Variants in ROR1 observed in about 807,000 individuals in gnomAD.
ROR1 encodes the protein ROR family WNT receptor 1.
ROR1 carries 19 observed loss-of-function variants against 78.8 expected under a neutral mutation model. That is an observed-to-expected ratio of 0.24 (90% confidence interval 0.17 to 0.35). The LOEUF is 0.35. ROR1 is among the 10% of genes least tolerant of loss of function. The pLI is 1.00. For synonymous variants in ROR1, 386 were observed against 433.6 expected (o/e 0.89, Z 1.36); for missense variants, 917 against 1,177.8 (o/e 0.78, Z 3.24).
At chr1:64,015,044 T>C (rs1432625443) in intron 2 of ROR1, among the ~76,000 whole-genome samples, 2 of 151,598 alleles carry the variant, frequency 1.3e-5, no homozygotes, top group Non-Finnish European at 2.9e-5. Flanking sequence ...CTCACAATCA[T>C]AGGAGAAGGC....
At chr1:63,951,605 C>G (rs569626031) in intron 1 of ROR1, among the ~76,000 whole-genome samples, 1 of 152,206 alleles carries the variant, frequency 6.6e-6, no homozygotes, top group East Asian at 1.9e-4. Flanking sequence ...GGAGGATTTC[C>G]CAGGGAGCCA....
At chr1:63,920,176 T>A (rs1382732772) in intron 1 of ROR1, among the ~76,000 whole-genome samples, 2 of 152,178 alleles carry the variant, frequency 1.3e-5, no homozygotes, top group African/African-American at 4.8e-5. Context: ...AAATATCAGA[T>A]GCAATCCCTG....
At chr1:63,778,337 A>C (rs1265880878) in intron 1 of ROR1, among the ~76,000 whole-genome samples, 1 of 152,224 alleles carries the variant, frequency 6.6e-6, no homozygotes, top group Non-Finnish European at 1.5e-5. Flanking sequence ...CTTATTTTCC[A>C]AGAAAAGTGT....
intron 1 of ROR1, among the ~76,000 whole-genome samples, chr1:63,958,334 C>G (rs1190237215): frequency 5.3e-5 from 8 of 152,092 alleles, no homozygotes. Flanking sequence ...CTCCATGCCT[C>G]CTGTATGCCT....
intron 4 of ROR1, among the ~76,000 whole-genome samples, chr1:64,084,193 A>G (rs1398863670): frequency 6.6e-6 from 1 of 152,224 alleles, no homozygotes; most frequent in Non-Finnish European, 1.5e-5. Context: ...TATCATAACA[A>G]TGGGTGATAA....
rs1272967833 is a variant in ROR1, at chr1:64,179,419, A to T, written c.*564A>T. The T allele has an allele frequency of 3.9e-5, 6 of 152,950 alleles. No individual in the cohort carries two copies. Among genetic ancestry groups the T allele is most frequent in the African/African-American group, 1.4e-4 (6 of 41,442 alleles). 9.5% of individuals were successfully genotyped at this position (152,950 alleles called of 1,614,324 possible). On this transcript the variant is annotated 3_prime_UTR_variant, in exon 9 of 9. Coordinates refer to ENST00000371079, the MANE Select transcript of ROR1 (RefSeq NM_005012.4). ...CCTGGAGGGAAATGAGCCATAAGGG[A>T]AGTATAACAAGCCCTGAAGCCTTTT...
intron 1 of ROR1, among the ~76,000 whole-genome samples, chr1:63,898,366 A>G (rs1478771955): frequency 7.6e-6 from 1 of 131,894 alleles, no homozygotes; most frequent in Non-Finnish European, 1.6e-5. Flanking sequence ...AGATGCTTAC[A>G]TTTTTTTTTT....
At chr1:63,853,295 A>C (rs1645125803) in intron 1 of ROR1, among the ~76,000 whole-genome samples, 1 of 152,140 alleles carries the variant, frequency 6.6e-6, no homozygotes, top group East Asian at 1.9e-4. Flanking sequence ...CATATACCCT[A>C]GTAAGTACTA....
intron 1 of ROR1, among the ~76,000 whole-genome samples, chr1:63,923,840 C>A (rs1006297255): frequency 1.3e-5 from 2 of 151,924 alleles, no homozygotes; most frequent in African/African-American, 4.8e-5. Context: ...CCACTGGATG[C>A]CCCTCGATAC....
intron 1 of ROR1, among the ~76,000 whole-genome samples, chr1:63,860,794 G>T (rs1261024332): frequency 2.0e-5 from 3 of 147,530 alleles, no homozygotes; most frequent in Admixed American, 6.7e-5. Context: ...AAAAAAAGAA[G>T]AAGAAGAATG....
chr1:64,081,869 T>C (rs903880567), intron 4 of ROR1, among the ~76,000 whole-genome samples: 4 of 151,752 alleles, frequency 2.6e-5, no homozygotes, highest in African/African-American at 9.7e-5. Flanking sequence ...AAAATATGTA[T>C]AGAAAAAAGT....
At chr1:63,898,660 G>A (rs1001215684) in intron 1 of ROR1, among the ~76,000 whole-genome samples, 2 of 151,870 alleles carry the variant, frequency 1.3e-5, no homozygotes, top group African/African-American at 4.8e-5. Context: ...TGAAAGAGAA[G>A]TTGAACAAGA....
chr1:63,937,184 T>C (rs72912822), intron 1 of ROR1, among the ~76,000 whole-genome samples: 4,450 of 152,312 alleles, frequency 0.029, 230 homozygotes, highest in African/African-American at 0.1. Context: ...TTCATCTTTC[T>C]ATCTCTTAGT....
chr1:63,848,341 T>C (rs1405576024), intron 1 of ROR1, among the ~76,000 whole-genome samples: 1 of 152,214 alleles, frequency 6.6e-6, no homozygotes, highest in Non-Finnish European at 1.5e-5. Flanking sequence ...GCAGACCAAG[T>C]GACTGCAATA....
At chr1:63,916,282 G>A (rs907167656) in intron 1 of ROR1, among the ~76,000 whole-genome samples, 25 of 152,212 alleles carry the variant, frequency 1.6e-4, no homozygotes, top group Middle Eastern at 6.8e-3. Flanking sequence ...AGCATTCATC[G>A]GGCCAGGCGC....
chr1:64,081,942 C>T (rs997987697), intron 4 of ROR1, among the ~76,000 whole-genome samples: 5 of 152,168 alleles, frequency 3.3e-5, no homozygotes, highest in African/African-American at 4.8e-5. Context: ...ATGTTTATAA[C>T]GTTTTTAATA....
intron 1 of ROR1, among the ~76,000 whole-genome samples, chr1:63,962,039 C>T (rs1017488233): frequency 5.3e-5 from 8 of 152,134 alleles, no homozygotes; most frequent in Admixed American, 2.6e-4. Context: ...GCAGGAGGAT[C>T]CGTTGAGCCC....
intron 1 of ROR1, among the ~76,000 whole-genome samples, chr1:63,924,332 G>A (rs1238317459): frequency 6.6e-6 from 1 of 152,082 alleles, no homozygotes; most frequent in African/African-American, 2.4e-5. Context: ...TGTATAAGAG[G>A]CACTCAGCAA....
chr1:64,178,666 A>G lies in ROR1; in HGVS notation c.2625A>G (p.Gly875=), dbSNP rs755448829. ...TGHVTSLPSS[G]SNQEANIPLL... is the part of the protein sequence containing the mutation. ...ATGTGACTAGCTTGCCCTCATCAGG[A>G]TCCAATCAGGAAGCAAATATTCCTT... The change falls in exon 9 of 9, where the codon GGA becomes GGG. Residue 875 remains glycine, a synonymous_variant. Transcript: ENST00000371079. This position sits in a 1 kb window ranked among gnomAD's most constrained non-coding sequence, Gnocchi z 4.3. 2 of 1,614,154 alleles carry G rather than the reference A, an allele frequency of 1.2e-6. No individual in the cohort carries two copies. Among genetic ancestry groups the G allele is most frequent in the Admixed American group, 1.7e-5 (1 of 60,018 alleles).
Sources: allele counts gnomAD v4.1 joint callset (sites outside exome capture counted in the v4.1 genomes callset), GRCh38; gene constraint gnomAD v4.1.1; non-coding constraint Gnocchi (gnomAD v3.1); transcripts MANE v1.5; gene names NCBI Gene and HGNC (gene_info 2026-07-23, HGNC 2026-07-21).